Variants in BICC1 observed in about 807,000 individuals in gnomAD.
The protein encoded by BICC1 is BicC family RNA binding protein 1.
In BICC1, 43 loss-of-function variants were observed where a neutral mutation model predicts 111.0. The ratio of observed to expected loss-of-function variants is 0.39; its 90% CI spans 0.30 to 0.50. The LOEUF (loss-of-function observed/expected upper bound fraction) is 0.50, where lower values mean the gene tolerates loss of function less well. BICC1 is among the 20% of genes least tolerant of loss of function. BICC1 has a pLI of 0.88. For missense variants in BICC1, 1,091 were observed against 1,203.2 expected (o/e 0.91, Z 1.38); for synonymous variants, 467 against 434.4 (o/e 1.07, Z -0.93).
intron 20 of BICC1, among the ~76,000 whole-genome samples, chr10:58,822,221 G>C (rs1195917556): frequency 1.3e-5 from 2 of 152,092 alleles, no homozygotes; most frequent in African/African-American, 4.8e-5. Context: ...GTAGTCCAGA[G>C]CTCCATAATC....
At chr10:58,607,183 G>A (rs1845248306) in intron 1 of BICC1, among the ~76,000 whole-genome samples, 1 of 151,984 alleles carries the variant, frequency 6.6e-6, no homozygotes, top group Non-Finnish European at 1.5e-5. Flanking sequence ...GAGTGTGGTG[G>A]TGCATGCCTG....
intron 20 of BICC1, among the ~76,000 whole-genome samples, chr10:58,826,642 C>G (rs1366331668): frequency 5.0e-5 from 3 of 60,110 alleles, no homozygotes; most frequent in Non-Finnish European, 1.2e-4. Context: ...ACCTGTAGTC[C>G]CAGCTACTCG....
At chr10:58,574,835 A>G (rs1844061002) in intron 1 of BICC1, among the ~76,000 whole-genome samples, 1 of 152,168 alleles carries the variant, frequency 6.6e-6, no homozygotes, top group African/African-American at 2.4e-5. Context: ...CGTTTCTGCA[A>G]ACTTCTTGTG....
chr10:58,813,920 G>A lies in BICC1; in HGVS notation c.2467G>A (p.Gly823Arg). ...TAACTGGAGAGACCGAAATGGAATT[G>A]GACCTGGAAGTCATAGTGAATTTGC... is the stretch of plus-strand genomic sequence containing the variant. ...SDNWRDRNGI[G>R]PGSHSEFAAS... Residue 823 changes from glycine (G) to arginine (R), a missense_variant, in exon 18 of 21, where the codon GGA becomes AGA. Coordinates refer to ENST00000373886, the MANE Select transcript of BICC1 (RefSeq NM_001080512.3). 1.2e-6 allele frequency: 2 copies of A among 1,614,030 alleles called. No homozygotes were observed. Among genetic ancestry groups the A allele is most frequent in the South Asian group, 1.1e-5 (1 of 91,074 alleles).
At chr10:58,529,791 C>T (rs1658478) in intron 1 of BICC1, among the ~76,000 whole-genome samples, 69,785 of 151,642 alleles carry the variant, frequency 0.46, 17,131 homozygotes, top group Admixed American at 0.63. Flanking sequence ...ACAGAAAGAT[C>T]ACCTTCAAAA....
chr10:58,537,660 G>A (rs952973597), intron 1 of BICC1, among the ~76,000 whole-genome samples: 5 of 151,514 alleles, frequency 3.3e-5, no homozygotes, highest in African/African-American at 1.2e-4. Flanking sequence ...GAAATAAAGG[G>A]CATCCAAACT....
chr10:58,624,932 T>C (rs1473217379), intron 2 of BICC1, among the ~76,000 whole-genome samples: 1 of 152,200 alleles, frequency 6.6e-6, no homozygotes, highest in African/African-American at 2.4e-5. Flanking sequence ...TTGTACACCC[T>C]TGGTCTTTTT....
At chr10:58,541,094 C>T (rs895642621) in intron 1 of BICC1, among the ~76,000 whole-genome samples, 1 of 152,080 alleles carries the variant, frequency 6.6e-6, no homozygotes, top group African/African-American at 2.4e-5. Flanking sequence ...CCACAACTGA[C>T]ATCATACTCA....
At chr10:58,566,302 A>G (rs1347322890) in intron 1 of BICC1, among the ~76,000 whole-genome samples, 4 of 151,968 alleles carry the variant, frequency 2.6e-5, no homozygotes, top group Non-Finnish European at 4.4e-5. Context: ...GTACACACAC[A>G]CCACATGGTG....
intron 2 of BICC1, among the ~76,000 whole-genome samples, chr10:58,694,341 G>A (rs957386576): frequency 1.3e-4 from 20 of 152,182 alleles, no homozygotes; most frequent in Admixed American, 3.3e-4. Context: ...CATGTCGTGA[G>A]CAGTCACCAA....
At chr10:58,760,077 T>G (rs775715210) in intron 3 of BICC1, among the ~76,000 whole-genome samples, 1 of 152,176 alleles carries the variant, frequency 6.6e-6, no homozygotes, top group Non-Finnish European at 1.5e-5. Flanking sequence ...AAGCGCGTTT[T>G]AAGCAAATGT....
At chr10:58,732,391 A>G (rs1841339468) in intron 3 of BICC1, among the ~76,000 whole-genome samples, 2 of 344 alleles carry the variant, frequency 5.8e-3, no homozygotes, top group African/African-American at 0.015. Flanking sequence ...ATATATATAT[A>G]TATATATATA....
intron 1 of BICC1, among the ~76,000 whole-genome samples, chr10:58,519,761 G>A (rs1842341311): frequency 6.6e-6 from 1 of 152,018 alleles, no homozygotes. Context: ...TTCTCATCTT[G>A]TTACTCCTTT....
chr10:58,712,857 G>T (rs960667311), intron 3 of BICC1, among the ~76,000 whole-genome samples: 2 of 152,086 alleles, frequency 1.3e-5, no homozygotes, highest in Non-Finnish European at 2.9e-5. Context: ...GGGAGGCTGT[G>T]CCTGCGTATA....
At chr10:58,724,746 C>G (rs1426146552) in intron 3 of BICC1, among the ~76,000 whole-genome samples, 2 of 152,228 alleles carry the variant, frequency 1.3e-5, no homozygotes, top group East Asian at 3.8e-4. Flanking sequence ...GGCTTACAGA[C>G]TGGCAGTCAC....
chr10:58,728,815 A>G (rs986483561), intron 3 of BICC1, among the ~76,000 whole-genome samples: 1 of 152,198 alleles, frequency 6.6e-6, no homozygotes, highest in Non-Finnish European at 1.5e-5. Flanking sequence ...GTACATCTTC[A>G]TCAGACCTCT....
intron 1 of BICC1, among the ~76,000 whole-genome samples, chr10:58,514,542 A>G (rs982058294): frequency 6.6e-6 from 1 of 152,202 alleles, no homozygotes; most frequent in Non-Finnish European, 1.5e-5. Flanking sequence ...CAAAACAATA[A>G]CTTGGTGGAA....
intron 9 of BICC1, among the ~76,000 whole-genome samples, chr10:58,795,320 T>A (rs1843318282): frequency 6.6e-6 from 1 of 152,224 alleles, no homozygotes; most frequent in African/African-American, 2.4e-5. Flanking sequence ...TAGCATTGAT[T>A]CTAAGTGAAC....
intron 3 of BICC1, among the ~76,000 whole-genome samples, chr10:58,704,248 A>G (rs949039060): frequency 1.3e-5 from 2 of 152,194 alleles, no homozygotes; most frequent in Non-Finnish European, 2.9e-5. Flanking sequence ...ATCTATAGAC[A>G]TCATTTATTT....
Sources: gnomAD v4.1 joint callset for allele counts (sites outside exome capture counted in the v4.1 genomes callset) on GRCh38, gnomAD v4.1.1 for gene constraint, MANE v1.5 for transcripts, NCBI Gene and HGNC (gene_info 2026-07-23, HGNC 2026-07-21) for gene names.